The following KDM4C variants were observed in gnomAD, a reference collection of about 807,000 sequenced individuals.
KDM4C encodes the protein lysine demethylase 4C, also known as lysine-specific demethylase 4C.
KDM4C carries 81 observed loss-of-function variants against 129.3 expected under a neutral mutation model. That is an observed-to-expected ratio of 0.63 (90% CI 0.52 to 0.75). The LOEUF (loss-of-function observed/expected upper bound fraction) is 0.75, where lower values mean the gene tolerates loss of function less well. Ranked by LOEUF, KDM4C falls within the 30% of genes least tolerant of loss-of-function variation. The pLI is 0.00. For synonymous variants in KDM4C, 573 were observed against 456.1 expected (o/e 1.26, Z -3.26); for missense variants, 1,457 against 1,304.0 (o/e 1.12, Z -1.81).
chr9:7,022,247 G>A (rs10758818), intron 15 of KDM4C, among the ~76,000 whole-genome samples: 69,903 of 151,890 alleles, frequency 0.46, 16,293 homozygotes, highest in South Asian at 0.6. Context: ...TTTGGATAGT[G>A]TGGACATTTC....
intron 17 of KDM4C, among the ~76,000 whole-genome samples, chr9:7,091,951 G>A (rs1564105924): frequency 6.6e-6 from 1 of 152,172 alleles, no homozygotes; most frequent in East Asian, 1.9e-4. Context: ...TTCCTGAAGT[G>A]TTATTTGTTT....
Position 6,837,703 on chromosome 9 carries a change from A to G in KDM4C, c.436-11804A>G, listed in dbSNP as rs143571525. Among the ~76,000 whole-genome samples the G allele has an allele frequency of 3.7e-3, 559 of 152,060 alleles. 3 individuals carry two copies. Among genetic ancestry groups the G allele is most frequent in the African/African-American group, 0.013 (538 of 41,488 alleles). On this transcript the variant is annotated intron_variant, in intron 4 of 21. Transcript: ENST00000381309. ...TCTTTTGGCTTTTTCTTTATTTGGA[A>G]TTCTTTATTCTGGATACCAAAACTA...
intron 3 of KDM4C, among the ~76,000 whole-genome samples, chr9:6,809,576 G>T (rs544920193): frequency 6.6e-6 from 1 of 152,292 alleles, no homozygotes; most frequent in Admixed American, 6.5e-5. Context: ...GGTTTCAAAG[G>T]AATACAAGGC....
At chr9:7,134,095 G>C (rs996974212) in intron 19 of KDM4C, among the ~76,000 whole-genome samples, 2 of 152,162 alleles carry the variant, frequency 1.3e-5, no homozygotes, top group African/African-American at 4.8e-5. Context: ...AGGAAGTTCT[G>C]GTTCTTTTGG....
intron 15 of KDM4C, among the ~76,000 whole-genome samples, chr9:7,023,374 A>G (rs1825223523): frequency 6.6e-6 from 1 of 152,024 alleles, no homozygotes; most frequent in Non-Finnish European, 1.5e-5. Flanking sequence ...TAGTAGGTTG[A>G]ATATTTCTAG....
At chr9:6,949,789 G>A (rs1827784239) in intron 8 of KDM4C, among the ~76,000 whole-genome samples, 1 of 152,260 alleles carries the variant, frequency 6.6e-6, no homozygotes, top group African/African-American at 2.4e-5. Flanking sequence ...GGAGATGGCA[G>A]CAGTACAGTC....
chr9:6,986,877 G>GCT (rs1455587434), intron 11 of KDM4C: 1 of 466,604 alleles, frequency 2.1e-6, no homozygotes. Flanking sequence ...GGAGCTTATG[G>GCT]CCACGTGTCG....
At chr9:7,098,124 C>A (rs1437535415) in intron 17 of KDM4C, among the ~76,000 whole-genome samples, 1 of 152,184 alleles carries the variant, frequency 6.6e-6, no homozygotes, top group African/African-American at 2.4e-5. Flanking sequence ...AATGCCTTGG[C>A]CTTTCCAGTT....
At chr9:6,947,546 C>A (rs975310061) in intron 8 of KDM4C, among the ~76,000 whole-genome samples, 1 of 151,766 alleles carries the variant, frequency 6.6e-6, no homozygotes, top group African/African-American at 2.4e-5. Flanking sequence ...TAGTCATGGT[C>A]ATTTAGATTT....
intron 8 of KDM4C, among the ~76,000 whole-genome samples, chr9:6,927,329 C>T (rs563223680): frequency 2.4e-4 from 36 of 152,184 alleles, no homozygotes; most frequent in Admixed American, 2.2e-3. Context: ...GGTGTTTTGC[C>T]GTGTTGGCCA....
chr9:6,722,648 C>T (rs565277429), intron 1 of KDM4C, among the ~76,000 whole-genome samples: 3 of 151,718 alleles, frequency 2.0e-5, no homozygotes, highest in South Asian at 4.2e-4. Context: ...CGAGTAGCTG[C>T]GATTACAGAC....
At chr9:7,103,582 T>A in intron 17 of KDM4C, 103 bp from the exon 18 acceptor site, 1 of 708,006 alleles carries the variant, frequency 1.4e-6, no homozygotes. Context: ...AATCAGTTGT[T>A]TTTTTTTTTT....
intron 18 of KDM4C, among the ~76,000 whole-genome samples, chr9:7,119,284 G>A (rs924851800): frequency 6.6e-6 from 1 of 152,098 alleles, no homozygotes; most frequent in Non-Finnish European, 1.5e-5. Context: ...TGGCTGCTGC[G>A]TCATTAAATA....
intron 8 of KDM4C, among the ~76,000 whole-genome samples, chr9:6,901,146 G>A (rs1817340184): frequency 6.6e-6 from 1 of 152,128 alleles, no homozygotes; most frequent in South Asian, 2.1e-4. Context: ...AGAAAGCAGT[G>A]GGCAGAACAT....
intron 17 of KDM4C, among the ~76,000 whole-genome samples, chr9:7,085,176 C>A (rs951097222): frequency 3.3e-5 from 5 of 152,166 alleles, no homozygotes; most frequent in African/African-American, 1.2e-4. Context: ...CAGGAAGGGG[C>A]ATTGGAGCCC....
In KDM4C at chr9:6,734,744, C is replaced by T. The variant is rs139935282; in HGVS notation, c.49+13747C>T. ...TTTTTTCTGTGTCCTGAGGATGTGA[C>T]TTGTATATAAGCCTCTCACCTACTT... On this transcript the variant is annotated intron_variant, in intron 1 of 17. Transcript: ENST00000536108. 8.8e-3 allele frequency: 2,989 copies of T among 337,882 alleles called. 21 individuals are homozygous for T. The highest frequency in any genetic ancestry group is 0.012 in the Non-Finnish European group (2,051 of 174,328). 20.9% of individuals were successfully genotyped at this position (337,882 alleles called of 1,614,324 possible).
At chr9:6,721,947 C>T (rs896992599) in intron 1 of KDM4C, among the ~76,000 whole-genome samples, 1 of 152,078 alleles carries the variant, frequency 6.6e-6, no homozygotes, top group Non-Finnish European at 1.5e-5. Context: ...GTGTTGAGCT[C>T]CTGGGTGCAA....
chr9:7,011,030 G>A (rs1458563698), intron 12 of KDM4C, among the ~76,000 whole-genome samples: 1 of 151,888 alleles, frequency 6.6e-6, no homozygotes, highest in Admixed American at 6.6e-5. Flanking sequence ...GGCACGAAGA[G>A]CAAAACTCCA....
At chr9:7,013,447 A>C (rs1823062083) in intron 13 of KDM4C, among the ~76,000 whole-genome samples, 1 of 152,194 alleles carries the variant, frequency 6.6e-6, no homozygotes. Flanking sequence ...ATGATTCTTC[A>C]GTAAATGAAA....
Sources: gnomAD v4.1 joint callset for allele counts (sites outside exome capture counted in the v4.1 genomes callset) on GRCh38, gnomAD v4.1.1 for gene constraint, MANE v1.5 for transcripts, NCBI Gene and HGNC (gene_info 2026-07-23, HGNC 2026-07-21) for gene names.